The following HOMER1 variants were observed in gnomAD, a reference collection of about 807,000 sequenced individuals.
HOMER1 encodes homer protein homolog 1.
A neutral mutation model predicts 48.9 loss-of-function variants in HOMER1; 3 were observed. The ratio of observed to expected loss-of-function variants is 0.06; its 90% CI spans 0.03 to 0.16. The LOEUF is 0.16. Among genes scored for constraint, HOMER1 ranks in the 10% least tolerant of loss-of-function variants. The pLI is 1.00. For missense variants in HOMER1, 247 were observed against 411.4 expected, an observed-to-expected ratio of 0.60 and a Z score of 3.46; for synonymous variants, 134 against 146.4, an observed-to-expected ratio of 0.92 and a Z score of 0.61.
At chr5:79,381,961 T>C (rs1358078429) in intron 8 of HOMER1, among the ~76,000 whole-genome samples, 1 of 150,278 alleles carries the variant, frequency 6.7e-6, no homozygotes, top group East Asian at 1.9e-4. Context: ...AGATATACAC[T>C]ATAAAAAAGA....
At chr5:79,441,451 C>T (rs1386979267) in intron 4 of HOMER1, among the ~76,000 whole-genome samples, 2 of 151,930 alleles carry the variant, frequency 1.3e-5, no homozygotes, top group Admixed American at 6.6e-5. Flanking sequence ...AAAGACTGTT[C>T]CCAGGGGCAA....
chr5:79,453,689 C>T (rs1751089098), intron 2 of HOMER1, among the ~76,000 whole-genome samples: 1 of 152,122 alleles, frequency 6.6e-6, no homozygotes, highest in African/African-American at 2.4e-5. Flanking sequence ...GTGCCCTGAT[C>T]CTGGCCCTTG....
intron 1 of HOMER1, among the ~76,000 whole-genome samples, chr5:79,490,908 G>C (rs73124186): frequency 0.037 from 5,605 of 151,120 alleles, 355 homozygotes; most frequent in African/African-American, 0.13. Context: ...CTGGGTGACA[G>C]AGCAAGACCC....
rs16876744 is a variant in HOMER1 at position 79,376,692 on chromosome 5, T to C, written c.877-495A>G. 4.1e-3 allele frequency among the ~76,000 whole-genome samples: 624 copies of C among 152,352 alleles called. 35 individuals are homozygous for C. In the East Asian group the frequency reaches 0.1, roughly 25 times the overall value. ...ATGTGATTTTAGGATCCTCTGAATA[T>C]GTTATTCTTTGCTTTGCCTCAATAT... is the stretch of plus-strand genomic sequence containing the variant. On this transcript the variant is annotated intron_variant, in intron 8 of 8. Transcript: ENST00000334082.
chr5:79,494,510 C>T (rs932598076), intron 1 of HOMER1, among the ~76,000 whole-genome samples: 4 of 152,174 alleles, frequency 2.6e-5, no homozygotes, highest in African/African-American at 9.7e-5. Flanking sequence ...CCTTGTTCTA[C>T]TCTGTTTCAA....
At chr5:79,441,898 C>A (rs1274033298) in intron 4 of HOMER1, among the ~76,000 whole-genome samples, 1 of 151,482 alleles carries the variant, frequency 6.6e-6, no homozygotes, top group African/African-American at 2.4e-5. Flanking sequence ...ATATTCTAAG[C>A]ATCTATTTCT....
chr5:79,447,577 A>T (rs1750918879), intron 3 of HOMER1, among the ~76,000 whole-genome samples: 1 of 152,196 alleles, frequency 6.6e-6, no homozygotes, highest in Admixed American at 6.5e-5. Flanking sequence ...ATTTTACTAA[A>T]ATATAAACTC....
intron 1 of HOMER1, among the ~76,000 whole-genome samples, chr5:79,466,276 G>C (rs1751461584): frequency 6.6e-6 from 1 of 151,976 alleles, no homozygotes; most frequent in African/African-American, 2.4e-5. Context: ...AGCACTTTCG[G>C]AGGCTGAGAC....
At chr5:79,438,584 T>C (rs1750656515) in intron 5 of HOMER1, among the ~76,000 whole-genome samples, 1 of 152,166 alleles carries the variant, frequency 6.6e-6, no homozygotes, top group Non-Finnish European at 1.5e-5. Context: ...ATGATAAAGC[T>C]TAATTTCAGA....
intron 1 of HOMER1, among the ~76,000 whole-genome samples, chr5:79,512,033 T>A (rs1389042619): frequency 6.6e-6 from 1 of 152,194 alleles, no homozygotes; most frequent in Admixed American, 6.5e-5. Context: ...GTGTGAAGAG[T>A]TAATAAAAGA....
chr5:79,494,326 A>C (rs1752366698), intron 1 of HOMER1, among the ~76,000 whole-genome samples: 1 of 152,176 alleles, frequency 6.6e-6, no homozygotes, highest in Admixed American at 6.5e-5. Context: ...CTGACGACAA[A>C]TATCTCAAGG....
rs112016987 is a variant in HOMER1 at position 79,495,069 on chromosome 5, A to ATATT, written c.5+17700_5+17701insAATA. Among the ~76,000 whole-genome samples, 267 of 152,290 alleles carry ATATT rather than the reference A, an allele frequency of 1.8e-3. 2 individuals carry two copies. The highest frequency in any genetic ancestry group is 6.1e-3 in the African/African-American group (253 of 41,552). ...TTTATTATATACACATTAAATATCTATATATATTAACACAAAGAATACATG... is the reference window on the plus strand; with the variant it reads ...TTTATTATATACACATTAAATATCTATATTTATATATTAACACAAAGAATACATG... On this transcript the variant is annotated intron_variant, in intron 1 of 8. Transcript: ENST00000334082.
intron 5 of HOMER1, among the ~76,000 whole-genome samples, chr5:79,417,694 A>G (rs1425427726): frequency 1.3e-5 from 2 of 152,260 alleles, no homozygotes; most frequent in African/African-American, 4.8e-5. Context: ...TATTAAAGAT[A>G]GAAATGAATG....
chr5:79,503,540 A>C (rs1274342761), intron 1 of HOMER1, among the ~76,000 whole-genome samples: 1 of 145,346 alleles, frequency 6.9e-6, no homozygotes, highest in Admixed American at 6.8e-5. Context: ...AAGAGAAAAA[A>C]AAAAAAAAAA....
chr5:79,391,994 T>C (rs886888547), intron 8 of HOMER1, among the ~76,000 whole-genome samples: 1 of 152,060 alleles, frequency 6.6e-6, no homozygotes, highest in Non-Finnish European at 1.5e-5. Context: ...AGCTGCCATA[T>C]CATCACAGCA....
At chr5:79,383,719 C>T (rs1271014855) in intron 8 of HOMER1, among the ~76,000 whole-genome samples, 1 of 152,072 alleles carries the variant, frequency 6.6e-6, no homozygotes, top group Non-Finnish European at 1.5e-5. Flanking sequence ...TTCTCATTAC[C>T]ACGTGGAACA....
intron 8 of HOMER1, among the ~76,000 whole-genome samples, chr5:79,389,498 G>GATTA (rs1749193937): frequency 6.6e-6 from 1 of 152,152 alleles, no homozygotes; most frequent in African/African-American, 2.4e-5. Context: ...TTTAAGAGAC[G>GATTA]ATTAGGTCAT....
chr5:79,459,515 T>C (rs1751258849), intron 1 of HOMER1, among the ~76,000 whole-genome samples: 1 of 152,188 alleles, frequency 6.6e-6, no homozygotes, highest in South Asian at 2.1e-4. Flanking sequence ...CAAAAGCCTG[T>C]ACTTCAAAGT....
At chr5:79,472,716 T>G (rs1448383531) in intron 1 of HOMER1, among the ~76,000 whole-genome samples, 1 of 151,906 alleles carries the variant, frequency 6.6e-6, no homozygotes, top group Admixed American at 6.6e-5. Flanking sequence ...AAGTTTGAGG[T>G]TATAATGAGC....
Sources: gnomAD v4.1 joint callset for allele counts (sites outside exome capture counted in the v4.1 genomes callset) on GRCh38, gnomAD v4.1.1 for gene constraint, MANE v1.5 for transcripts, NCBI Gene and HGNC (gene_info 2026-07-23, HGNC 2026-07-21) for gene names.